Variants in VEZT observed in about 807,000 individuals in gnomAD.
VEZT encodes the protein vezatin.
In VEZT, 39 loss-of-function variants were observed where a neutral mutation model predicts 79.9. The observed-to-expected ratio is 0.49, with a 90% CI of 0.38 to 0.64. The LOEUF (loss-of-function observed/expected upper bound fraction) is 0.64. VEZT is among the 30% of genes least tolerant of loss of function. VEZT has a pLI of 0.00. For synonymous variants in VEZT, 325 were observed against 327.6 expected, an observed-to-expected ratio of 0.99 and a Z score of 0.09; for missense variants, 837 against 893.1, an observed-to-expected ratio of 0.94 and a Z score of 0.80.
intron 9 of VEZT, among the ~76,000 whole-genome samples, chr12:95,289,804 G>A (rs1028338743): frequency 1.3e-5 from 2 of 152,136 alleles, no homozygotes; most frequent in African/African-American, 4.8e-5. Flanking sequence ...CAAACTTACA[G>A]AAAAGTTGCA....
At chr12:95,263,705 A>G (rs964682649) in intron 4 of VEZT, 7 of 152,218 alleles carry the variant, frequency 4.6e-5, no homozygotes, top group African/African-American at 9.6e-5. Flanking sequence ...ACATGTGTGC[A>G]TGCAAACCTA....
chr12:95,243,520 T>C (rs1237994600), intron 1 of VEZT, among the ~76,000 whole-genome samples: 1 of 152,156 alleles, frequency 6.6e-6, no homozygotes, highest in East Asian at 1.9e-4. Flanking sequence ...TGACTCCCAT[T>C]TGGCCTGTTA....
At chr12:95,235,539 G>A (rs1203376073) in intron 1 of VEZT, among the ~76,000 whole-genome samples, 4 of 141,902 alleles carry the variant, frequency 2.8e-5, no homozygotes, top group Non-Finnish European at 6.2e-5. Context: ...GCCGGGCGGG[G>A]GGCTGACCCC....
At chr12:95,218,661 T>G (rs958768017) in intron 1 of VEZT, 1 of 152,252 alleles carries the variant, frequency 6.6e-6, no homozygotes, top group African/African-American at 2.4e-5. Context: ...TTTATCCAAC[T>G]AGATTTTAAG....
intron 11 of VEZT, 121 bp downstream of exon 11, chr12:95,296,379 T>C: frequency 1.2e-6 from 1 of 806,866 alleles, no homozygotes; most frequent in Non-Finnish European, 1.8e-6. Context: ...CCAGTATGCA[T>C]AGTACTTTTT....
At chr12:95,235,777 G>C (rs1268294052) in intron 1 of VEZT, among the ~76,000 whole-genome samples, 2 of 151,374 alleles carry the variant, frequency 1.3e-5, no homozygotes, top group Non-Finnish European at 2.9e-5. Context: ...TCACTTCCCA[G>C]ACGGGGTGGC....
chr12:95,228,209 G>A (rs2058761696), intron 1 of VEZT, among the ~76,000 whole-genome samples: 1 of 152,128 alleles, frequency 6.6e-6, no homozygotes, highest in African/African-American at 2.4e-5. Flanking sequence ...TAAATGAAAG[G>A]AAATGACTCT....
chr12:95,264,712 C>T (rs931886572), intron 4 of VEZT, among the ~76,000 whole-genome samples: 2 of 152,148 alleles, frequency 1.3e-5, no homozygotes, highest in Non-Finnish European at 2.9e-5. Flanking sequence ...GCTGGGATTA[C>T]AGGCACGAGC....
intron 1 of VEZT, among the ~76,000 whole-genome samples, chr12:95,249,978 A>C (rs963283266): frequency 2.6e-5 from 4 of 151,642 alleles, no homozygotes; most frequent in African/African-American, 4.8e-5. Flanking sequence ...TAAAATACTT[A>C]GTTAAGATTT....
intron 1 of VEZT, 133 bp from the exon 2 acceptor site, chr12:95,251,807 A>C (rs940177337): frequency 1.8e-5 from 12 of 658,666 alleles, no homozygotes; most frequent in Non-Finnish European, 2.9e-5. Flanking sequence ...CAGATAATTC[A>C]GTTCTTATAG....
At chr12:95,244,110 C>G (rs375880891) in intron 1 of VEZT, 75 of 400,236 alleles carry the variant, frequency 1.9e-4, no homozygotes, top group South Asian at 1.3e-3. Context: ...TTCAAGATAA[C>G]TCTGGCCAGG....
chr12:95,255,167 C>A (rs997991244), intron 2 of VEZT, among the ~76,000 whole-genome samples: 1 of 152,022 alleles, frequency 6.6e-6, no homozygotes, highest in Non-Finnish European at 1.5e-5. Context: ...AACAAACAAA[C>A]AAAAAATGTT....
At chr12:95,235,810 C>T (rs2060053274) in intron 1 of VEZT, among the ~76,000 whole-genome samples, 2 of 152,046 alleles carry the variant, frequency 1.3e-5, no homozygotes, top group South Asian at 4.1e-4. Context: ...GGGCTCCTCA[C>T]TTCTCAGACG....
intron 6 of VEZT, among the ~76,000 whole-genome samples, chr12:95,270,944 C>T (rs547874216): frequency 6.6e-6 from 1 of 152,260 alleles, no homozygotes; most frequent in African/African-American, 2.4e-5. Context: ...ACAACTTTGC[C>T]ACTTCAGAAT....
In VEZT at chr12:95,301,506, A is replaced by G. The variant is rs912736454; in HGVS notation, c.*833A>G. The G allele has an allele frequency of 1.3e-5, 2 of 152,130 alleles. No individual in the cohort carries two copies. Among genetic ancestry groups the G allele is most frequent in the Non-Finnish European group, 1.5e-5 (1 of 68,028 alleles). 9.4% of individuals were successfully genotyped at this position (152,130 alleles called of 1,614,324 possible). A position where few individuals can be genotyped will look rare whatever the true frequency, so the allele number is the denominator to read the frequency against. On this transcript the variant is annotated 3_prime_UTR_variant, in exon 12 of 12. Transcript: ENST00000436874. ...ATCCTGCTGTTTTCTAGCCCTGTCC[A>G]CCATAATGAGATTCAGGAAACATCC...
intron 1 of VEZT, among the ~76,000 whole-genome samples, chr12:95,223,722 A>G (rs1340074936): frequency 6.6e-6 from 1 of 152,224 alleles, no homozygotes; most frequent in African/African-American, 2.4e-5. Flanking sequence ...AAGTGCTGGG[A>G]TTACAGATGT....
At chr12:95,245,579 C>G (rs1202327283) in intron 1 of VEZT, 1 of 456,580 alleles carries the variant, frequency 2.2e-6, no homozygotes, top group Non-Finnish European at 4.4e-6. Flanking sequence ...AATCAGTTGC[C>G]TAATTCTGCC....
Position 95,233,811 on chromosome 12 carries a change from C to A in VEZT, c.36+15925C>A, listed in dbSNP as rs78707397. On this transcript the variant is annotated intron_variant, in intron 1 of 11. Coordinates refer to ENST00000436874, the MANE Select transcript of VEZT (RefSeq NM_017599.4). ...ACATACATAAATATATTGTATAATT[C>A]CATTTTGTGGGTTTTTTAAAACACA... 5.5e-3 allele frequency among the ~76,000 whole-genome samples: 838 copies of A among 152,058 alleles called. 39 individuals are homozygous for A. The East Asian group carries it at 0.14, about 25-fold the overall frequency.
chr12:95,277,324 T>C (rs2067995075), intron 7 of VEZT, among the ~76,000 whole-genome samples: 1 of 152,230 alleles, frequency 6.6e-6, no homozygotes, highest in African/African-American at 2.4e-5. Context: ...GTGTGAGTCA[T>C]GCCAGAGCCA....
Sources: gnomAD v4.1 joint callset for allele counts (sites outside exome capture counted in the v4.1 genomes callset) on GRCh38, gnomAD v4.1.1 for gene constraint, MANE v1.5 for transcripts, NCBI Gene and HGNC (gene_info 2026-07-23, HGNC 2026-07-21) for gene names.